Variants in ACSBG2 observed in about 807,000 individuals in gnomAD.
ACSBG2 encodes long-chain-fatty-acid--CoA ligase ACSBG2.
ACSBG2 carries 62 observed loss-of-function variants against 74.7 expected under a neutral mutation model. The ratio of observed to expected loss-of-function variants is 0.83; its 90% CI spans 0.68 to 1.03. The LOEUF (loss-of-function observed/expected upper bound fraction) is 1.03. Ranked by LOEUF, ACSBG2 falls within the 50% of genes least tolerant of loss-of-function variation. The pLI is 0.00. For missense variants in ACSBG2, 730 were observed against 817.6 expected, an observed-to-expected ratio of 0.89 and a Z score of 1.31; for synonymous variants, 309 against 294.1, an observed-to-expected ratio of 1.05 and a Z score of -0.52.
At chr19:6,184,433 T>C (rs1175249818) in intron 10 of ACSBG2, among the ~76,000 whole-genome samples, 1 of 152,082 alleles carries the variant, frequency 6.6e-6, no homozygotes, top group African/African-American at 2.4e-5. Flanking sequence ...GGCAGCTCTT[T>C]GTAAGTTTTA....
At chr19:6,171,986 G>C (rs541744578) in intron 7 of ACSBG2, among the ~76,000 whole-genome samples, 9 of 151,442 alleles carry the variant, frequency 5.9e-5, no homozygotes, top group Non-Finnish European at 8.8e-5. Context: ...TCTTCTGCTT[G>C]GTCTAGTCTA....
rs58730661 is a variant in ACSBG2, at chr19:6,190,812, T to TACACACACACACACACACACACAC, written c.*35+137_*35+160dup. 2.1e-5 allele frequency: 7 copies of TACACACACACACACACACACACAC among 336,720 alleles called. 1 individual carries two copies. The highest frequency in any genetic ancestry group is 8.7e-5 in the South Asian group (3 of 34,304). 20.9% of individuals were successfully genotyped at this position (336,720 alleles called of 1,614,324 possible). ...GAAAACACACACATACACACATACA[T>TACACACACACACACACACACACAC]ACACACACACACACACACACACACA... On this transcript the variant is annotated intron_variant, in intron 14 of 14. Transcript: ENST00000588485.
chr19:6,150,116 T>G (rs529406268), intron 3 of ACSBG2, among the ~76,000 whole-genome samples: 57 of 150,674 alleles, frequency 3.8e-4, no homozygotes, highest in African/African-American at 1.4e-3. Context: ...TAAAATAAAA[T>G]AAAATAAAAT....
intron 11 of ACSBG2, 112 bp downstream of exon 11, chr19:6,185,765 G>C: frequency 9.1e-7 from 1 of 1,099,068 alleles, no homozygotes; most frequent in Non-Finnish European, 1.3e-6. Flanking sequence ...CTTCCAAGAG[G>C]AGCTGTGCAG....
chr19:6,177,833 GAAC>G (rs942114211), intron 8 of ACSBG2, among the ~76,000 whole-genome samples: 4 of 150,514 alleles, frequency 2.7e-5, no homozygotes, highest in Non-Finnish European at 5.9e-5. Flanking sequence ...ATTGAACACT[GAAC>G]AACCCAAGAC....
Position 6,182,242 on chromosome 19 carries a change from G to C in ACSBG2, c.907-509G>C, listed in dbSNP as rs374630589. On this transcript the variant is annotated intron_variant, in intron 8 of 14. Transcript: ENST00000588485. ...AAAAAAACTTGCCTAGATTTCGATA[G>C]GGGTTGCATTGAACCTATAGGTCTC... Among the ~76,000 whole-genome samples, 8 of 151,830 alleles carry C rather than the reference G, an allele frequency of 5.3e-5. No individual in the cohort carries two copies. The East Asian group carries it at 1.4e-3, about 26-fold the overall frequency.
intron 5 of ACSBG2, chr19:6,160,599 T>C (rs1284853155): frequency 6.6e-6 from 1 of 152,178 alleles, no homozygotes; most frequent in Non-Finnish European, 1.5e-5. Context: ...CATGAGGGAC[T>C]TCTTTTAGCT....
intron 2 of ACSBG2, among the ~76,000 whole-genome samples, chr19:6,142,890 T>C (rs77603127): frequency 0.036 from 5,489 of 152,148 alleles, 203 homozygotes; most frequent in African/African-American, 0.1. Flanking sequence ...TTGGGGATGC[T>C]ACCTTTATGG....
chr19:6,164,151 G>A (rs2089721223), intron 6 of ACSBG2, among the ~76,000 whole-genome samples: 1 of 152,184 alleles, frequency 6.6e-6, no homozygotes, highest in Non-Finnish European at 1.5e-5. Context: ...GATTGGATTG[G>A]ACCAGCATGG....
intron 5 of ACSBG2, among the ~76,000 whole-genome samples, chr19:6,157,527 C>T (rs77855792): frequency 0.06 from 9,141 of 152,166 alleles, 846 homozygotes; most frequent in African/African-American, 0.2. Flanking sequence ...TGAGCCACTG[C>T]ACTCCAGCCT....
At chr19:6,138,318 A>G (rs1422535803) in intron 1 of ACSBG2, among the ~76,000 whole-genome samples, 6 of 151,954 alleles carry the variant, frequency 3.9e-5, no homozygotes, top group Non-Finnish European at 8.8e-5. Flanking sequence ...CAGAACCCAC[A>G]ATGCGCCTGG....
intron 13 of ACSBG2, among the ~76,000 whole-genome samples, chr19:6,189,527 GTT>G (rs111858148): frequency 6.8e-6 from 1 of 148,084 alleles, no homozygotes; most frequent in Admixed American, 6.7e-5. Context: ...ACTGAGTCTT[GTT>G]TTTTTTTTGT....
chr19:6,167,447 A>G (rs1161842874), intron 7 of ACSBG2, among the ~76,000 whole-genome samples: 1 of 152,216 alleles, frequency 6.6e-6, no homozygotes, highest in Non-Finnish European at 1.5e-5. Context: ...CTAGTGCTGT[A>G]TAGCAAGGTG....
chr19:6,175,014 ACTTG>A, intron 7 of ACSBG2, among the ~76,000 whole-genome samples: 1 of 152,316 alleles, frequency 6.6e-6, no homozygotes. Flanking sequence ...AGAGGAAATT[ACTTG>A]GTCAAGATCA....
chr19:6,177,875 AGTGTGTGTGTGTGTGT>A (rs3036311), intron 8 of ACSBG2, among the ~76,000 whole-genome samples: 5 of 143,522 alleles, frequency 3.5e-5, no homozygotes, highest in East Asian at 4.1e-4. Flanking sequence ...GAAAGTAAAG[AGTGTGTGTGTGTGTGT>A]GTGTGTGTGT....
chr19:6,153,201 G>C (rs151038217), intron 4 of ACSBG2, among the ~76,000 whole-genome samples: 2,303 of 152,202 alleles, frequency 0.015, 19 homozygotes, highest in Middle Eastern at 0.065. Context: ...AGCCGAGATC[G>C]CGCCACTGCA....
chr19:6,137,210 G>T (rs10414656), intron 1 of ACSBG2: 1 of 12,160 alleles, frequency 8.2e-5, no homozygotes, highest in Non-Finnish European at 1.8e-4. Flanking sequence ...TGGCGGGGTT[G>T]GGGGGGGGGG....
At chr19:6,146,824 C>G (rs945978015) in intron 2 of ACSBG2, among the ~76,000 whole-genome samples, 1 of 151,958 alleles carries the variant, frequency 6.6e-6, no homozygotes, top group East Asian at 1.9e-4. Context: ...GGGCCAGGTG[C>G]GGTGGCTCAT....
At chr19:6,157,888 T>G (rs1286583206) in intron 5 of ACSBG2, among the ~76,000 whole-genome samples, 3 of 152,136 alleles carry the variant, frequency 2.0e-5, no homozygotes, top group Non-Finnish European at 4.4e-5. Flanking sequence ...GTTGTTCTCT[T>G]CTATTTCTTG....
Sources: gnomAD v4.1 joint callset for allele counts (sites outside exome capture counted in the v4.1 genomes callset) on GRCh38, gnomAD v4.1.1 for gene constraint, MANE v1.5 for transcripts, NCBI Gene and HGNC (gene_info 2026-07-23, HGNC 2026-07-21) for gene names.